The following ANO3 variants were observed in gnomAD, a reference collection of about 807,000 sequenced individuals.
ANO3 encodes anoctamin-3.
A neutral mutation model predicts 144.8 loss-of-function variants in ANO3; 99 were observed. The ratio of observed to expected loss-of-function variants is 0.68; its 90% CI spans 0.58 to 0.81. ANO3 has a LOEUF of 0.81. ANO3 is among the 30% of genes least tolerant of loss of function. The probability of loss-of-function intolerance (pLI) is 0.00; values close to 1 mark genes in which losing one functional copy is unlikely to be tolerated. For synonymous variants in ANO3, 414 were observed against 392.6 expected (o/e 1.05, Z -0.64); for missense variants, 905 against 1,202.2 (o/e 0.75, Z 3.66).
At chr11:26,206,686 GTTAT>G (rs1564916382) in intron 1 of ANO3, among the ~76,000 whole-genome samples, 1 of 152,148 alleles carries the variant, frequency 6.6e-6, no homozygotes, top group African/African-American at 2.4e-5. Context: ...AAGTTAATAA[GTTAT>G]TTATTCTCAT....
chr11:26,543,969 G>A (rs1565093286), intron 11 of ANO3, among the ~76,000 whole-genome samples: 1 of 151,540 alleles, frequency 6.6e-6, no homozygotes, highest in Admixed American at 6.6e-5. Flanking sequence ...GAACCAAGAT[G>A]TTTTATTTCT....
At chr11:26,566,768 A>C (rs1850603313) in intron 14 of ANO3, among the ~76,000 whole-genome samples, 1 of 150,678 alleles carries the variant, frequency 6.6e-6, no homozygotes, top group African/African-American at 2.4e-5. Flanking sequence ...ATATAGGAAA[A>C]TGTTTTGAAA....
chr11:26,541,108 A>G (rs1849630982), intron 10 of ANO3, among the ~76,000 whole-genome samples: 1 of 152,216 alleles, frequency 6.6e-6, no homozygotes, highest in Non-Finnish European at 1.5e-5. Flanking sequence ...ATGGAATACT[A>G]TGCAGCCATA....
chr11:26,483,044 ATTT>A (rs148807054), intron 4 of ANO3, among the ~76,000 whole-genome samples: 2 of 151,114 alleles, frequency 1.3e-5, no homozygotes, highest in Non-Finnish European at 3.0e-5. Context: ...TAGTGCAGGT[ATTT>A]TTTTTTCAAT....
intron 3 of ANO3, among the ~76,000 whole-genome samples, chr11:26,450,463 C>T (rs2134036348): frequency 6.6e-6 from 1 of 152,236 alleles, no homozygotes; most frequent in African/African-American, 2.4e-5. Flanking sequence ...AAGTCTGGGT[C>T]CTTGTTGTTA....
At chr11:26,631,391 T>G (rs1033745972) in intron 18 of ANO3, among the ~76,000 whole-genome samples, 2 of 152,032 alleles carry the variant, frequency 1.3e-5, no homozygotes, top group Non-Finnish European at 2.9e-5. Context: ...ATTTATACAT[T>G]AAAAATAAAT....
intron 17 of ANO3, among the ~76,000 whole-genome samples, chr11:26,616,917 C>T (rs1257256235): frequency 6.6e-6 from 1 of 152,100 alleles, no homozygotes; most frequent in Non-Finnish European, 1.5e-5. Flanking sequence ...GGACTACAGG[C>T]GCACGCCATC....
intron 3 of ANO3, among the ~76,000 whole-genome samples, chr11:26,451,560 C>T (rs1325121450): frequency 2.6e-5 from 4 of 152,184 alleles, no homozygotes; most frequent in Non-Finnish European, 4.4e-5. Flanking sequence ...CTCAGGCTTG[C>T]TTAGGTAAAC....
chr11:26,538,602 G>A (rs1849569409), intron 10 of ANO3, among the ~76,000 whole-genome samples: 1 of 152,116 alleles, frequency 6.6e-6, no homozygotes, highest in Admixed American at 6.6e-5. Context: ...GCAAAGGAAG[G>A]TTTAATTTGT....
intron 1 of ANO3, among the ~76,000 whole-genome samples, chr11:26,321,527 T>G (rs1004710068): frequency 2.0e-5 from 3 of 152,036 alleles, no homozygotes; most frequent in Non-Finnish European, 2.9e-5. Context: ...TTTGACTAGA[T>G]TTTTTTCTAA....
chr11:26,659,983 T>G (rs1183151858), intron 26 of ANO3, among the ~76,000 whole-genome samples: 2 of 152,132 alleles, frequency 1.3e-5, no homozygotes, highest in Non-Finnish European at 2.9e-5. Context: ...TGTAAAGATT[T>G]TATAGGAGTG....
At chr11:26,593,687 G>A (rs570923188) in intron 14 of ANO3, among the ~76,000 whole-genome samples, 32 of 152,266 alleles carry the variant, frequency 2.1e-4, no homozygotes, top group African/African-American at 7.2e-4. Flanking sequence ...CACATAAGGG[G>A]CATGGACAAG....
At chr11:26,599,445 T>C (rs975719328) in intron 16 of ANO3, 105 bp from the exon 17 acceptor site, 23 of 1,180,380 alleles carry the variant, frequency 1.9e-5, no homozygotes, top group Non-Finnish European at 2.6e-5. Context: ...CTTGGAAAGG[T>C]AAATACCTTC....
At chr11:26,197,138 C>G (rs1036555882) in intron 1 of ANO3, among the ~76,000 whole-genome samples, 1 of 152,094 alleles carries the variant, frequency 6.6e-6, no homozygotes, top group African/African-American at 2.4e-5. Flanking sequence ...GGGTGTCCAG[C>G]AATAATTAAC....
chr11:26,491,836 T>C (rs1860722380), intron 4 of ANO3, among the ~76,000 whole-genome samples: 1 of 152,184 alleles, frequency 6.6e-6, no homozygotes, highest in African/African-American at 2.4e-5. Context: ...CTATAATTTA[T>C]AATTTTTTGA....
intron 1 of ANO3, among the ~76,000 whole-genome samples, chr11:26,393,654 G>A (rs1856935552): frequency 6.6e-6 from 1 of 152,078 alleles, no homozygotes; most frequent in South Asian, 2.1e-4. Context: ...TGCTGCTTTA[G>A]TTTTCAGAAG....
intron 1 of ANO3, among the ~76,000 whole-genome samples, chr11:26,232,086 TA>T (rs1437525559): frequency 6.6e-6 from 1 of 152,190 alleles, no homozygotes; most frequent in Non-Finnish European, 1.5e-5. Flanking sequence ...ACCCTTCTAA[TA>T]AATGTGCCCC....
chr11:26,609,655 G>T (rs1306978694), intron 17 of ANO3, among the ~76,000 whole-genome samples: 1 of 151,962 alleles, frequency 6.6e-6, no homozygotes, highest in East Asian at 1.9e-4. Context: ...AAGGACATGT[G>T]TTGATTCCAT....
intron 9 of ANO3, among the ~76,000 whole-genome samples, chr11:26,535,043 T>C (rs10742142): frequency 0.71 from 107,252 of 152,014 alleles, 38,216 homozygotes; most frequent in East Asian, 0.84. Flanking sequence ...TTACAAAGTA[T>C]ATGACATAAG....
Sources: allele counts gnomAD v4.1 joint callset (sites outside exome capture counted in the v4.1 genomes callset), GRCh38; gene constraint gnomAD v4.1.1; transcripts MANE v1.5; gene names NCBI Gene and HGNC (gene_info 2026-07-23, HGNC 2026-07-21).